The following LHFPL6 variants were observed in gnomAD, a reference collection of about 807,000 sequenced individuals.
LHFPL6 encodes LHFPL tetraspan subfamily member 6, also known as LHFPL tetraspan subfamily member 6 protein.
Under a neutral mutation model 20.6 loss-of-function variants are expected in LHFPL6, and 9 were observed. That is an observed-to-expected ratio of 0.44 (90% confidence interval 0.26 to 0.76). The LOEUF (loss-of-function observed/expected upper bound fraction) is 0.76, where lower values mean the gene tolerates loss of function less well. Ranked by LOEUF, LHFPL6 falls within the 30% of genes least tolerant of loss-of-function variation. LHFPL6 has a pLI of 0.20. For synonymous variants in LHFPL6, 105 were observed against 98.7 expected, an observed-to-expected ratio of 1.06 and a Z score of -0.38; for missense variants, 218 against 253.5, an observed-to-expected ratio of 0.86 and a Z score of 0.95.
intron 2 of LHFPL6, among the ~76,000 whole-genome samples, chr13:39,492,422 T>C (rs1387446631): frequency 6.6e-6 from 1 of 152,216 alleles, no homozygotes; most frequent in Non-Finnish European, 1.5e-5. Flanking sequence ...CATACATTTA[T>C]AGTTAAATGC....
At chr13:39,588,002 C>G (rs1020682923) in intron 2 of LHFPL6, among the ~76,000 whole-genome samples, 10 of 152,088 alleles carry the variant, frequency 6.6e-5, no homozygotes, top group African/African-American at 2.2e-4. Flanking sequence ...CTCCCACTGG[C>G]TGGATATCCA....
intron 2 of LHFPL6, among the ~76,000 whole-genome samples, chr13:39,462,891 G>A (rs1236572800): frequency 1.3e-5 from 2 of 152,150 alleles, no homozygotes; most frequent in Non-Finnish European, 2.9e-5. Context: ...GGGGGTGCTG[G>A]CATGGTTAAC....
At chr13:39,359,280 C>G (rs1869815166) in intron 3 of LHFPL6, among the ~76,000 whole-genome samples, 1 of 152,172 alleles carries the variant, frequency 6.6e-6, no homozygotes, top group South Asian at 2.1e-4. Context: ...AGGGATTTCT[C>G]AAAGAACTAA....
intron 3 of LHFPL6, among the ~76,000 whole-genome samples, chr13:39,355,798 A>G (rs73451012): frequency 0.083 from 12,589 of 152,288 alleles, 634 homozygotes; most frequent in South Asian, 0.22. Context: ...GAAGGGCATT[A>G]CATAACGATA....
chr13:39,474,978 TA>T (rs1229952033), intron 2 of LHFPL6, among the ~76,000 whole-genome samples: 1 of 152,186 alleles, frequency 6.6e-6, no homozygotes, highest in Non-Finnish European at 1.5e-5. Context: ...TTGAACTTTT[TA>T]AACACAGAGT....
chr13:39,416,309 A>G (rs368915463), intron 2 of LHFPL6, among the ~76,000 whole-genome samples: 1 of 152,074 alleles, frequency 6.6e-6, no homozygotes, highest in African/African-American at 2.4e-5. Flanking sequence ...GAACAATGCC[A>G]GACATATTAC....
At chr13:39,443,858 A>G (rs776873333) in intron 2 of LHFPL6, among the ~76,000 whole-genome samples, 12 of 151,366 alleles carry the variant, frequency 7.9e-5, no homozygotes, top group Admixed American at 3.3e-4. Flanking sequence ...GAGATATTCC[A>G]TACTAGATTA....
At chr13:39,446,407 C>A (rs1377571779) in intron 2 of LHFPL6, among the ~76,000 whole-genome samples, 1 of 152,146 alleles carries the variant, frequency 6.6e-6, no homozygotes, top group Non-Finnish European at 1.5e-5. Context: ...CAAGCTCTCC[C>A]GATGTACAGC....
At chr13:39,522,383 T>TA (rs1423122864) in intron 2 of LHFPL6, among the ~76,000 whole-genome samples, 32 of 152,222 alleles carry the variant, frequency 2.1e-4, no homozygotes, top group African/African-American at 7.5e-4. Context: ...TCCATGCTCC[T>TA]AACCAGTACA....
rs377138628 is a variant in LHFPL6 at position 39,426,102 on chromosome 13, T to G, written c.386-47576A>C. 1.2e-3 allele frequency among the ~76,000 whole-genome samples: 190 copies of G among 152,322 alleles called. 6 individuals are homozygous for G. The South Asian group carries it at 0.038, about 30-fold the overall frequency. ...AATATTACGTGACCATTACCACTAT[T>G]TCCAAAACTTTTTCATCACCTCAAA... On this transcript the variant is annotated intron_variant, in intron 2 of 3. Coordinates refer to ENST00000379589, the MANE Select transcript of LHFPL6 (RefSeq NM_005780.3).
chr13:39,466,219 G>A (rs1344845310), intron 2 of LHFPL6, among the ~76,000 whole-genome samples: 3 of 152,122 alleles, frequency 2.0e-5, no homozygotes, highest in Non-Finnish European at 2.9e-5. Flanking sequence ...TTGTTTGATT[G>A]ATTTTTCTAA....
chr13:39,349,882 T>C (rs888218720), intron 3 of LHFPL6, among the ~76,000 whole-genome samples: 12 of 152,294 alleles, frequency 7.9e-5, no homozygotes, highest in African/African-American at 2.9e-4. Flanking sequence ...TGCTAAAGTA[T>C]TGCTCAAGTA....
chr13:39,439,449 A>C (rs1294746709), intron 2 of LHFPL6, among the ~76,000 whole-genome samples: 1 of 152,012 alleles, frequency 6.6e-6, no homozygotes, highest in African/African-American at 2.4e-5. Flanking sequence ...TTTTTGAGTT[A>C]ATGCTGGAAT....
At chr13:39,405,394 C>T (rs1566104036) in intron 2 of LHFPL6, among the ~76,000 whole-genome samples, 1 of 152,182 alleles carries the variant, frequency 6.6e-6, no homozygotes, top group Non-Finnish European at 1.5e-5. Context: ...TGAAAACTGT[C>T]ATCTTTACTT....
chr13:39,572,347 A>T lies in LHFPL6; in HGVS notation c.385+28485T>A, dbSNP rs1282171021. 8.9e-5 allele frequency among the ~76,000 whole-genome samples: 13 copies of T among 145,394 alleles called. No homozygotes were observed. The Admixed American group carries it at 8.9e-4, about 10-fold the overall frequency. On this transcript the variant is annotated intron_variant, in intron 2 of 3. Coordinates refer to ENST00000379589, the MANE Select transcript of LHFPL6 (RefSeq NM_005780.3). The stretch of plus-strand genomic sequence containing the variant: ...GTGTGTGTGACAGTCCCCAGTGAGA[A>T]TCAGTCTGAGACCTCTTTCCAGAAA...
chr13:39,557,095 G>A (rs1871327817), intron 2 of LHFPL6, among the ~76,000 whole-genome samples: 1 of 152,194 alleles, frequency 6.6e-6, no homozygotes, highest in South Asian at 2.1e-4. Context: ...ATGACTAAAA[G>A]GGTGCCAAGT....
Position 39,602,878 on chromosome 13 carries a change from C to T in LHFPL6, c.-175+5G>A, listed in dbSNP as rs1478427849. 3.9e-5 allele frequency: 6 copies of T among 152,424 alleles called. No individual in the cohort carries two copies. The highest frequency in any genetic ancestry group is 8.8e-5 in the Non-Finnish European group (6 of 68,202). 9.4% of individuals were successfully genotyped at this position (152,424 alleles called of 1,614,324 possible). ...GCCCACGGGGCAGCCGAGTGATTTA[C>T]TTACATGGCTGGCGGGCGGCGGCCA... On this transcript the variant is annotated splice_donor_5th_base_variant and intron_variant, in intron 1 of 3. Coordinates refer to ENST00000379589, the MANE Select transcript of LHFPL6 (RefSeq NM_005780.3).
intron 2 of LHFPL6, among the ~76,000 whole-genome samples, chr13:39,502,268 A>G (rs887818836): frequency 6.6e-5 from 10 of 152,224 alleles, no homozygotes; most frequent in African/African-American, 2.4e-4. Flanking sequence ...TCAAAAAATC[A>G]GTGATTCGCA....
Position 39,566,534 on chromosome 13 carries a change from A to T in LHFPL6, c.385+34298T>A, listed in dbSNP as rs927182587. Among the ~76,000 whole-genome samples the T allele has an allele frequency of 2.0e-5, 3 of 151,858 alleles. No homozygotes were observed. In the South Asian group the frequency reaches 6.2e-4, roughly 32 times the overall value. The stretch of plus-strand genomic sequence containing the variant: ...GACAGGTGGATCACTAGAGCCTAGG[A>T]GTTTGAGACGAGCCTAGGCAACACA... On this transcript the variant is annotated intron_variant, in intron 2 of 3. Transcript: ENST00000379589.
Sources: gnomAD v4.1 joint callset for allele counts (sites outside exome capture counted in the v4.1 genomes callset) on GRCh38, gnomAD v4.1.1 for gene constraint, MANE v1.5 for transcripts, NCBI Gene and HGNC (gene_info 2026-07-23, HGNC 2026-07-21) for gene names.